Variants in WDFY3 observed in about 807,000 individuals in gnomAD.
WDFY3 encodes WD repeat and FYVE domain-containing protein 3.
In WDFY3, 66 loss-of-function variants were observed where a neutral mutation model predicts 409.6. The ratio of observed to expected loss-of-function variants is 0.16; its 90% CI spans 0.13 to 0.20. The LOEUF (loss-of-function observed/expected upper bound fraction) is 0.20. Among genes scored for constraint, WDFY3 ranks in the 10% least tolerant of loss-of-function variants. The pLI is 1.00. For missense variants in WDFY3, 3,031 were observed against 4,298.1 expected, an observed-to-expected ratio of 0.71 and a Z score of 8.24; for synonymous variants, 1,521 against 1,537.1, an observed-to-expected ratio of 0.99 and a Z score of 0.25.
At chr4:84,912,675 T>C (rs1767946896) in intron 2 of WDFY3, among the ~76,000 whole-genome samples, 1 of 151,906 alleles carries the variant, frequency 6.6e-6, no homozygotes, top group Non-Finnish European at 1.5e-5. Context: ...TTCCCAGACA[T>C]TAAAAAAAAT....
At chr4:84,720,165 T>C (rs146792962) in intron 47 of WDFY3, among the ~76,000 whole-genome samples, 14 of 152,218 alleles carry the variant, frequency 9.2e-5, no homozygotes, top group African/African-American at 3.4e-4. Flanking sequence ...AGTTTGCCTA[T>C]AAGGAGCTCG....
Position 84,821,178 on chromosome 4 carries a change from C to A in WDFY3, c.1497G>T (p.Val499=), listed in dbSNP as rs1424806906. ...CCTCCAAAAGGCCAACCTCCCTGAA[C>A]ACGTCTTTAAATATGTAGTCATGTC... ...FTRHDYIFKD[V]FREVGLLEVM... The change falls in exon 11 of 68, where the codon GTG becomes GTT. Residue 499 remains valine (V), a synonymous_variant. Transcript: ENST00000295888. 2.5e-6 allele frequency: 4 copies of A among 1,613,772 alleles called. No individual in the cohort carries two copies. The highest frequency in any genetic ancestry group is 2.5e-6 in the Non-Finnish European group (3 of 1,179,830).
At chr4:84,880,879 A>G (rs1578958586) in intron 3 of WDFY3, among the ~76,000 whole-genome samples, 1 of 149,660 alleles carries the variant, frequency 6.7e-6, no homozygotes, top group Non-Finnish European at 1.5e-5. Flanking sequence ...CACCATGCCC[A>G]GCTAATTTAT....
At chr4:84,800,974 C>A (rs1351267220) in intron 17 of WDFY3, among the ~76,000 whole-genome samples, 2 of 152,054 alleles carry the variant, frequency 1.3e-5, no homozygotes, top group African/African-American at 2.4e-5. Context: ...GGGTTTGAGA[C>A]CCCTGCTCAT....
At chr4:84,737,722 AAGTT>A (rs1215037257) in intron 40 of WDFY3, among the ~76,000 whole-genome samples, 1 of 152,220 alleles carries the variant, frequency 6.6e-6, no homozygotes, top group African/African-American at 2.4e-5. Context: ...GTTCAAAACT[AAGTT>A]AGTATTCTTG....
chr4:84,737,194 C>G lies in WDFY3; in HGVS notation c.6747G>C (p.Gln2249His). ...CTCTGTAGGCCTTACCCAAATGATT[C>G]TGCCAGCACTTCAGGGCAGCTTCTT... ...LIEEAALKCW[Q>H]NHLAHEKKCI... The change falls in exon 41 of 68, where the codon CAG becomes CAC. Residue 2249 changes from glutamine to histidine, a missense_variant. This residue lies in a region of WDFY3 where 98 missense variants were observed against 194.9 expected (regional missense o/e 0.50). Transcript: ENST00000295888. 1 of 1,614,090 alleles carries G rather than the reference C, an allele frequency of 6.2e-7. No homozygotes were observed. Among genetic ancestry groups the G allele is most frequent in the South Asian group, 1.1e-5 (1 of 91,084 alleles).
chr4:84,834,833 T>C (rs1210482300), intron 7 of WDFY3, among the ~76,000 whole-genome samples: 2 of 152,202 alleles, frequency 1.3e-5, no homozygotes, highest in African/African-American at 2.4e-5. Context: ...TGTCACATAA[T>C]ACAAACGTAG....
intron 24 of WDFY3, among the ~76,000 whole-genome samples, chr4:84,784,891 T>TATATATATACACAC (rs1238884117): frequency 2.4e-4 from 9 of 36,928 alleles, no homozygotes; most frequent in African/African-American, 6.9e-4. Flanking sequence ...TATATATATA[T>TATATATATACACAC]ACACACACAC....
At chr4:84,867,862 TTTCATC>T in intron 3 of WDFY3, among the ~76,000 whole-genome samples, 1 of 152,026 alleles carries the variant, frequency 6.6e-6, no homozygotes, top group Admixed American at 6.6e-5. Context: ...AATCTTACAG[TTTCATC>T]AAAGAATTAT....
chr4:84,692,073 G>C (rs1023023829), intron 59 of WDFY3, among the ~76,000 whole-genome samples: 1 of 152,200 alleles, frequency 6.6e-6, no homozygotes, highest in African/African-American at 2.4e-5. Flanking sequence ...GGGTTGTACA[G>C]AGTAATCTGG....
At chr4:84,708,819 G>A (rs780829587) in intron 53 of WDFY3, 90 bp downstream of exon 53, 1 of 1,418,254 alleles carries the variant, frequency 7.1e-7, no homozygotes, top group Admixed American at 1.9e-5. Flanking sequence ...AGGATTTTAG[G>A]GATGAGCCAC....
Position 84,669,970 on chromosome 4 carries a change from GT to G in WDFY3, c.*2897del, listed in dbSNP as rs1286535380. 6.6e-6 allele frequency: 1 copy of G among 152,530 alleles called. No homozygotes were observed. The highest frequency in any genetic ancestry group is 2.4e-5 in the African/African-American group (1 of 41,410). The allele number at this position is 152,530 out of a possible 1,614,324, so 9.4% of individuals were successfully genotyped here. ...AAATTAAAAATACTTTCTAAAAACA[GT>G]TTTAACGGCATAAATATTTTATACA... On this transcript the variant is annotated 3_prime_UTR_variant, in exon 68 of 68. Transcript: ENST00000295888.
Position 84,794,624 on chromosome 4 carries a change from G to A in WDFY3, c.3382C>T (p.Arg1128Ter), listed in dbSNP as rs1444023334. The A allele has an allele frequency of 1.9e-6, 3 of 1,613,768 alleles. No homozygotes were observed. The highest frequency in any genetic ancestry group is 1.7e-6 in the Non-Finnish European group (2 of 1,179,986). The change falls in exon 21 of 68, where the codon CGA becomes TGA. Residue 1128 changes from arginine (R) to a stop codon, truncating the protein, a stop_gained. Transcript: ENST00000295888. LOFTEE classifies it high-confidence loss of function. ...HPVRLLTVVRRANSSEQHYVC... is the reference protein window; with the variant it reads ...HPVRLLTVVR ...TAATGTTGCTCAGAAGAATTTGCTC[G>A]GCGCACAACAGTAAGAAGTCTGACA...
intron 51 of WDFY3, among the ~76,000 whole-genome samples, chr4:84,711,021 C>A (rs1312714945): frequency 6.6e-6 from 1 of 152,186 alleles, no homozygotes; most frequent in Non-Finnish European, 1.5e-5. Context: ...TAGATGCACA[C>A]AGACTGGAAT....
chr4:84,928,689 T>C (rs190449096), intron 2 of WDFY3, among the ~76,000 whole-genome samples: 288 of 152,310 alleles, frequency 1.9e-3, no homozygotes, highest in Non-Finnish European at 3.1e-3. Context: ...TATAATACCT[T>C]AGTTGTTGAA....
intron 51 of WDFY3, 80 bp from the exon 52 acceptor site, chr4:84,709,427 T>C (rs372991070): frequency 1.6e-6 from 2 of 1,281,306 alleles, no homozygotes; most frequent in African/African-American, 1.5e-5. Flanking sequence ...AAAATTTAAG[T>C]CACCTGGTCC....
intron 7 of WDFY3, among the ~76,000 whole-genome samples, chr4:84,833,688 A>AAAGAAAAGAAAAGAAAAGAAAAGAG (rs754643352): frequency 4.6e-4 from 69 of 149,604 alleles, no homozygotes; most frequent in Admixed American, 1.0e-3. Context: ...AAAGAAAAGA[A>AAAGAAAAGAAAAGAAAAGAAAAGAG]AAGAGAAGAG....
chr4:84,691,857 A>C, intron 59 of WDFY3, 72 bp from the exon 60 acceptor site: 3 of 1,366,690 alleles, frequency 2.2e-6, no homozygotes, highest in Non-Finnish European at 3.0e-6. Context: ...AGAGCATGAT[A>C]ATTTCAAATA....
chr4:84,957,937 G>A (rs139625634), intron 1 of WDFY3, among the ~76,000 whole-genome samples: 100 of 152,308 alleles, frequency 6.6e-4, no homozygotes, highest in African/African-American at 2.3e-3. Context: ...AAACAGAAGT[G>A]TGAATGAGCC....
Sources: allele counts gnomAD v4.1 joint callset (sites outside exome capture counted in the v4.1 genomes callset), GRCh38; gene constraint gnomAD v4.1.1; regional missense constraint gnomAD v4.1.1; transcripts MANE v1.5; gene names NCBI Gene and HGNC (gene_info 2026-07-23, HGNC 2026-07-21).